CRPPA: variants seen among roughly 807,000 people sequenced by gnomAD.
The protein encoded by CRPPA is D-ribitol-5-phosphate cytidylyltransferase.
Under a neutral mutation model 52.0 loss-of-function variants are expected in CRPPA, and 43 were observed. The ratio of observed to expected loss-of-function variants is 0.83; its 90% CI spans 0.65 to 1.07. The LOEUF (loss-of-function observed/expected upper bound fraction) is 1.07. Among genes scored for constraint, CRPPA ranks in the 50% least tolerant of loss-of-function variants. The pLI is 0.00. For missense variants in CRPPA, 629 were observed against 551.7 expected, an observed-to-expected ratio of 1.14 and a Z score of -1.40; for synonymous variants, 250 against 203.5, an observed-to-expected ratio of 1.23 and a Z score of -1.94.
At chr7:16,304,200 T>C (rs1025518739) in intron 4 of CRPPA, among the ~76,000 whole-genome samples, 4 of 152,082 alleles carry the variant, frequency 2.6e-5, no homozygotes, top group Admixed American at 6.5e-5. Flanking sequence ...GCAAGACTAC[T>C]CCAGGAAAGC....
intron 6 of CRPPA, 59 bp from the exon 7 acceptor site, chr7:16,259,071 T>G: frequency 8.3e-7 from 1 of 1,211,710 alleles, no homozygotes; most frequent in South Asian, 1.3e-5. Flanking sequence ...TAAACATCTT[T>G]GTTACAAAGG....
intron 9 of CRPPA, among the ~76,000 whole-genome samples, chr7:16,138,330 G>A (rs1328921674): frequency 1.3e-5 from 2 of 152,070 alleles, no homozygotes; most frequent in African/African-American, 2.4e-5. Context: ...CACTGGCAAA[G>A]GTACTACATC....
At chr7:16,212,505 C>G (rs542515636) in intron 9 of CRPPA, among the ~76,000 whole-genome samples, 2 of 152,306 alleles carry the variant, frequency 1.3e-5, no homozygotes, top group East Asian at 1.9e-4. Context: ...GAACAGTTCC[C>G]TCTCTGAACT....
At chr7:16,285,612 C>A (rs1049540790) in intron 5 of CRPPA, among the ~76,000 whole-genome samples, 2 of 152,194 alleles carry the variant, frequency 1.3e-5, no homozygotes, top group Admixed American at 1.3e-4. Flanking sequence ...ATAAGAAAGT[C>A]TATAGACTTA....
intron 1 of CRPPA, among the ~76,000 whole-genome samples, 164 bp from the exon 2 acceptor site, chr7:16,406,501 G>A (rs2128318512): frequency 6.6e-6 from 1 of 152,298 alleles, no homozygotes; most frequent in Admixed American, 6.5e-5. Flanking sequence ...TAAAGAGGCT[G>A]ATGAAAAAGA....
intron 9 of CRPPA, among the ~76,000 whole-genome samples, chr7:16,190,005 T>G (rs1161764871): frequency 6.6e-6 from 1 of 152,206 alleles, no homozygotes; most frequent in Non-Finnish European, 1.5e-5. Flanking sequence ...GGACATTTAC[T>G]GATAGTAAAT....
chr7:16,190,960 C>T (rs2128390408), intron 9 of CRPPA, among the ~76,000 whole-genome samples: 1 of 152,190 alleles, frequency 6.6e-6, no homozygotes, highest in Non-Finnish European at 1.5e-5. Flanking sequence ...CTTTTTATGG[C>T]TGAGCAGAAT....
In CRPPA at chr7:16,091,179, C is replaced by T. The variant is rs1183399351; in HGVS notation, c.*516G>A. On this transcript the variant is annotated 3_prime_UTR_variant, in exon 10 of 10. Transcript: ENST00000407010. Reference sequence around the variant, plus strand: ...ATGCTAGAAACAAACAGTTCCGTTCCCTGGTATCCCACTCACCCTTTTTTA... The same window carrying T: ...ATGCTAGAAACAAACAGTTCCGTTCTCTGGTATCCCACTCACCCTTTTTTA... 1 of 152,374 alleles carries T rather than the reference C, an allele frequency of 6.6e-6. No homozygotes were observed. The highest frequency in any genetic ancestry group is 1.9e-4 in the East Asian group (1 of 5,208). 9.4% of individuals were successfully genotyped at this position (152,374 alleles called of 1,614,324 possible). A position where few individuals can be genotyped will look rare whatever the true frequency, so the allele number is the denominator to read the frequency against.
intron 8 of CRPPA, among the ~76,000 whole-genome samples, chr7:16,248,800 C>T (rs1370687847): frequency 6.6e-6 from 1 of 152,118 alleles, no homozygotes; most frequent in African/African-American, 2.4e-5. Context: ...GGGGATTTCC[C>T]TTTCCTAGCC....
At chr7:16,296,218 G>C (rs1784672264) in intron 5 of CRPPA, among the ~76,000 whole-genome samples, 1 of 152,058 alleles carries the variant, frequency 6.6e-6, no homozygotes, top group Non-Finnish European at 1.5e-5. Flanking sequence ...ATAAAAATCA[G>C]ATTTGGAGAC....
At chr7:16,102,778 T>C (rs929799087) in intron 9 of CRPPA, among the ~76,000 whole-genome samples, 1 of 152,220 alleles carries the variant, frequency 6.6e-6, no homozygotes, top group African/African-American at 2.4e-5. Flanking sequence ...CCAGTTAGAA[T>C]GGCGACCATT....
At chr7:16,398,792 G>C (rs776298744) in intron 2 of CRPPA, among the ~76,000 whole-genome samples, 1 of 152,180 alleles carries the variant, frequency 6.6e-6, no homozygotes, top group Non-Finnish European at 1.5e-5. Context: ...TGACTGACAC[G>C]TGATTAACAT....
At chr7:16,125,518 T>A (rs1782560968) in intron 9 of CRPPA, among the ~76,000 whole-genome samples, 1 of 151,860 alleles carries the variant, frequency 6.6e-6, no homozygotes, top group African/African-American at 2.4e-5. Context: ...AACTAGAGAG[T>A]AATCACCATA....
chr7:16,129,919 A>C (rs1438871175), intron 9 of CRPPA, among the ~76,000 whole-genome samples: 3 of 152,210 alleles, frequency 2.0e-5, no homozygotes, highest in Non-Finnish European at 4.4e-5. Flanking sequence ...ACACATAAAC[A>C]TTCCAACTCA....
chr7:16,191,102 C>G (rs539397914), intron 9 of CRPPA, among the ~76,000 whole-genome samples: 1 of 152,020 alleles, frequency 6.6e-6, no homozygotes, highest in Non-Finnish European at 1.5e-5. Flanking sequence ...TAAACATACA[C>G]GTGCAAGTAT....
At chr7:16,257,796 T>A (rs1211181027) in intron 8 of CRPPA, among the ~76,000 whole-genome samples, 5 of 152,126 alleles carry the variant, frequency 3.3e-5, no homozygotes, top group Non-Finnish European at 7.4e-5. Flanking sequence ...TGTTCCTTCC[T>A]GAGTTTACTC....
At chr7:16,110,546 A>G (rs1782239729) in intron 9 of CRPPA, among the ~76,000 whole-genome samples, 1 of 152,152 alleles carries the variant, frequency 6.6e-6, no homozygotes, top group African/African-American at 2.4e-5. Context: ...AGTAATCAAA[A>G]CAGCATGGTA....
intron 6 of CRPPA, among the ~76,000 whole-genome samples, chr7:16,273,182 G>A (rs1034546593): frequency 1.4e-5 from 2 of 141,142 alleles, no homozygotes; most frequent in African/African-American, 5.3e-5. Flanking sequence ...CAGGAGACAC[G>A]GAAATCCCGG....
chr7:16,215,364 A>T (rs890244352), intron 9 of CRPPA, among the ~76,000 whole-genome samples: 2 of 152,214 alleles, frequency 1.3e-5, no homozygotes, highest in Non-Finnish European at 2.9e-5. Flanking sequence ...GATTCTCCAA[A>T]TTTTTAACCC....
Sources: allele counts gnomAD v4.1 joint callset (sites outside exome capture counted in the v4.1 genomes callset), GRCh38; gene constraint gnomAD v4.1.1; transcripts MANE v1.5; gene names NCBI Gene and HGNC (gene_info 2026-07-23, HGNC 2026-07-21).